Variants in RHBDD1 observed in about 807,000 individuals in gnomAD.
RHBDD1 encodes the protein rhomboid-related protein 4.
RHBDD1 carries 38 observed loss-of-function variants against 36.3 expected under a neutral mutation model. That is an observed-to-expected ratio of 1.05 (90% confidence interval 0.81 to 1.37). The LOEUF (loss-of-function observed/expected upper bound fraction) is 1.37, where lower values mean the gene tolerates loss of function less well. Among genes scored for constraint, RHBDD1 ranks in the 40% most tolerant of loss-of-function variants. The probability of loss-of-function intolerance (pLI) is 0.00; values close to 1 mark genes in which losing one functional copy is unlikely to be tolerated. For missense variants in RHBDD1, 393 were observed against 377.6 expected (o/e 1.04, Z -0.34); for synonymous variants, 151 against 136.5 (o/e 1.11, Z -0.74).
intron 8 of RHBDD1, among the ~76,000 whole-genome samples, chr2:226,931,375 A>G (rs562146978): frequency 2.0e-5 from 3 of 152,200 alleles, no homozygotes; most frequent in South Asian, 2.1e-4. Flanking sequence ...TATTCTAAGT[A>G]TTAATAACTC....
chr2:226,924,997 T>C (rs1310779619), intron 8 of RHBDD1, among the ~76,000 whole-genome samples: 2 of 152,218 alleles, frequency 1.3e-5, no homozygotes, highest in East Asian at 1.9e-4. Context: ...ATGAAGGTGA[T>C]TTTTTCTGCA....
At chr2:226,841,612 T>C (rs1279181338) in intron 3 of RHBDD1, among the ~76,000 whole-genome samples, 1 of 152,218 alleles carries the variant, frequency 6.6e-6, no homozygotes, top group Non-Finnish European at 1.5e-5. Flanking sequence ...GCTTTATCCA[T>C]GTCCCTGCAA....
At chr2:226,863,863 C>G (rs1944078926) in intron 3 of RHBDD1, among the ~76,000 whole-genome samples, 1 of 152,150 alleles carries the variant, frequency 6.6e-6, no homozygotes, top group Admixed American at 6.5e-5. Flanking sequence ...TTGTCAACCC[C>G]AAATCACCCT....
the RHBDD1 span, among the ~76,000 whole-genome samples, chr2:226,821,885 G>A: frequency 1.3e-5 from 2 of 151,402 alleles, no homozygotes; most frequent in African/African-American, 2.4e-5. Flanking sequence ...TGCTATTTAC[G>A]TTTTACTCTA....
intron 8 of RHBDD1, among the ~76,000 whole-genome samples, chr2:226,974,611 G>A (rs913306918): frequency 1.3e-5 from 2 of 152,154 alleles, no homozygotes; most frequent in Non-Finnish European, 2.9e-5. Context: ...GAACAAGGAT[G>A]TACAAAAGAG....
intron 7 of RHBDD1, among the ~76,000 whole-genome samples, chr2:226,910,507 G>T (rs2396434): frequency 0.57 from 86,845 of 151,682 alleles, 25,704 homozygotes; most frequent in African/African-American, 0.74. Flanking sequence ...TCAAAGAACC[G>T]CATGAATATT....
chr2:226,843,202 T>A (rs1436059862), intron 3 of RHBDD1, among the ~76,000 whole-genome samples: 1 of 152,180 alleles, frequency 6.6e-6, no homozygotes, highest in Non-Finnish European at 1.5e-5. Context: ...AGATATAGGA[T>A]CATGTCATCT....
chr2:226,972,248 G>T (rs1163293961), intron 8 of RHBDD1, among the ~76,000 whole-genome samples: 3 of 152,118 alleles, frequency 2.0e-5, no homozygotes, highest in African/African-American at 7.2e-5. Context: ...TCCCTGCAAA[G>T]GACATGATCT....
chr2:226,827,061 C>A, the RHBDD1 span, among the ~76,000 whole-genome samples: 3 of 152,132 alleles, frequency 2.0e-5, no homozygotes, highest in Admixed American at 6.5e-5. Flanking sequence ...TGGGCTCAAG[C>A]AATTCTCCCA....
intron 8 of RHBDD1, among the ~76,000 whole-genome samples, chr2:226,962,626 A>G (rs983189204): frequency 2.0e-5 from 3 of 152,210 alleles, no homozygotes; most frequent in African/African-American, 7.2e-5. Flanking sequence ...CTGCAATTTA[A>G]TTTTCCAGTA....
At chr2:226,901,705 G>A (rs1947610484) in intron 5 of RHBDD1, among the ~76,000 whole-genome samples, 1 of 152,138 alleles carries the variant, frequency 6.6e-6, no homozygotes, top group South Asian at 2.1e-4. Context: ...AAGGCATCCA[G>A]CAGAACGGAG....
intron 7 of RHBDD1, among the ~76,000 whole-genome samples, chr2:226,910,913 G>A (rs926974028): frequency 1.3e-5 from 2 of 151,992 alleles, no homozygotes; most frequent in African/African-American, 4.8e-5. Flanking sequence ...AGAACGTTTA[G>A]CCACACTGGT....
chr2:226,843,725 T>C (rs1419974880), intron 3 of RHBDD1, among the ~76,000 whole-genome samples: 1 of 152,100 alleles, frequency 6.6e-6, no homozygotes, highest in Non-Finnish European at 1.5e-5. Context: ...TTGGCCTGAA[T>C]TTTTCTTTTT....
At chr2:226,904,223 T>C (rs1372722893) in intron 5 of RHBDD1, among the ~76,000 whole-genome samples, 4 of 152,204 alleles carry the variant, frequency 2.6e-5, no homozygotes, top group African/African-American at 9.6e-5. Flanking sequence ...AAGAGCGCAC[T>C]GTAACACACA....
At position 226,992,272 on chromosome 2, in the gene RHBDD1, G is replaced by A. The variant is rs565264668; in HGVS notation, c.857-3159G>A. Among the ~76,000 whole-genome samples the A allele has an allele frequency of 4.2e-4, 64 of 152,340 alleles. 3 individuals are homozygous for A. The South Asian group carries it at 0.013, about 32-fold the overall frequency. On this transcript the variant is annotated intron_variant, in intron 8 of 8. Coordinates refer to ENST00000392062, the MANE Select transcript of RHBDD1 (RefSeq NM_001167608.3). ...GCAGAGCACACACACAGTAGTCGGT[G>A]TAGGTTAGGGGCTGACATCAACTTT... is the stretch of plus-strand genomic sequence containing the variant.
intron 8 of RHBDD1, among the ~76,000 whole-genome samples, chr2:226,923,642 G>T (rs1949475973): frequency 6.6e-6 from 1 of 151,684 alleles, no homozygotes; most frequent in Admixed American, 6.6e-5. Flanking sequence ...CCTCTTTCAG[G>T]CCAGTAACAG....
upstream of RHBDD1, among the ~76,000 whole-genome samples, chr2:226,834,851 A>C (rs1398349236): frequency 6.6e-6 from 1 of 151,974 alleles, no homozygotes; most frequent in Non-Finnish European, 1.5e-5. Context: ...ACGCGATCTC[A>C]CTGCAACCTC....
At chr2:226,941,327 T>G (rs1950651959) in intron 8 of RHBDD1, among the ~76,000 whole-genome samples, 2 of 152,216 alleles carry the variant, frequency 1.3e-5, no homozygotes. Flanking sequence ...AGTGCACTTC[T>G]CCATCGGCCT....
intron 5 of RHBDD1, among the ~76,000 whole-genome samples, chr2:226,892,824 T>C (rs1328642675): frequency 6.6e-6 from 1 of 152,056 alleles, no homozygotes; most frequent in Non-Finnish European, 1.5e-5. Context: ...AAAAACAACA[T>C]TTCAAAAAAA....
Sources: allele counts gnomAD v4.1 joint callset (sites outside exome capture counted in the v4.1 genomes callset), GRCh38; gene constraint gnomAD v4.1.1; transcripts MANE v1.5; gene names NCBI Gene and HGNC (gene_info 2026-07-23, HGNC 2026-07-21).